The following SULF1 variants were observed in gnomAD, a reference collection of about 807,000 sequenced individuals.
The protein encoded by SULF1 is sulfatase 1.
SULF1 carries 46 observed loss-of-function variants against 110.5 expected under a neutral mutation model. The ratio of observed to expected loss-of-function variants is 0.42; its 90% CI spans 0.33 to 0.53. The LOEUF (loss-of-function observed/expected upper bound fraction) is 0.53, where lower values mean the gene tolerates loss of function less well. Among genes scored for constraint, SULF1 ranks in the 20% least tolerant of loss-of-function variants. The pLI, the probability that SULF1 is intolerant of heterozygous loss-of-function variation, is 0.12. For missense variants in SULF1, 941 were observed against 1,094.2 expected (o/e 0.86, Z 1.98); for synonymous variants, 371 against 387.1 (o/e 0.96, Z 0.49).
At chr8:69,514,122 G>A (rs1286632961) in intron 3 of SULF1, among the ~76,000 whole-genome samples, 6 of 152,138 alleles carry the variant, frequency 3.9e-5, no homozygotes, top group Non-Finnish European at 8.8e-5. Context: ...TGCTTTTACT[G>A]TATTCTACCC....
Position 69,636,776 on chromosome 8 carries a change from A to T in SULF1, c.2285-1726A>T, listed in dbSNP as rs942622119. 6.9e-4 allele frequency among the ~76,000 whole-genome samples: 105 copies of T among 152,124 alleles called. 1 individual carries two copies. The highest frequency in any genetic ancestry group is 1.8e-4 in the Non-Finnish European group (12 of 68,016). The stretch of plus-strand genomic sequence containing the variant: ...TCAGTCAGGCACTGTCGTGGAGAAG[A>T]ATTGGGCCCTTTCTGTTGACCGATG... On this transcript the variant is annotated intron_variant, in intron 19 of 22. Coordinates refer to ENST00000402687, the MANE Select transcript of SULF1 (RefSeq NM_001128205.2).
At chr8:69,638,329 C>T (rs1036448792) in intron 19 of SULF1, 173 bp from the exon 20 acceptor site, 1 of 750,880 alleles carries the variant, frequency 1.3e-6, no homozygotes, top group African/African-American at 1.8e-5. Flanking sequence ...AGTTTCACAG[C>T]AAATTTACCT....
chr8:69,632,197 C>T (rs1332031731), intron 19 of SULF1, among the ~76,000 whole-genome samples: 4 of 152,122 alleles, frequency 2.6e-5, no homozygotes, highest in Admixed American at 6.5e-5. Flanking sequence ...TACACAGGAG[C>T]GAATTAGGAA....
chr8:69,581,956 G>T (rs530298802), intron 6 of SULF1, among the ~76,000 whole-genome samples: 2 of 150,854 alleles, frequency 1.3e-5, no homozygotes, highest in African/African-American at 4.8e-5. Flanking sequence ...CTTACGCTCC[G>T]TTAACACAGA....
At chr8:69,483,057 A>C (rs762700337) in intron 1 of SULF1, among the ~76,000 whole-genome samples, 1 of 152,226 alleles carries the variant, frequency 6.6e-6, no homozygotes, top group South Asian at 2.1e-4. Flanking sequence ...GAGAGGATTC[A>C]AAGTATATCG....
intron 19 of SULF1, among the ~76,000 whole-genome samples, chr8:69,635,378 G>A (rs1810908037): frequency 6.6e-6 from 1 of 152,238 alleles, no homozygotes; most frequent in Non-Finnish European, 1.5e-5. Flanking sequence ...TCTATGGTGA[G>A]AGAGGTTATG....
At chr8:69,647,690 C>T (rs968705833) in intron 22 of SULF1, among the ~76,000 whole-genome samples, 20 of 151,926 alleles carry the variant, frequency 1.3e-4, no homozygotes, top group African/African-American at 3.4e-4. Flanking sequence ...TCACCTCGTT[C>T]GAGACCAGCC....
chr8:69,600,403 T>C (rs148703398), intron 8 of SULF1, among the ~76,000 whole-genome samples, 200 bp from the exon 9 acceptor site: 2 of 152,344 alleles, frequency 1.3e-5, no homozygotes, highest in East Asian at 1.9e-4. Flanking sequence ...TGAATATATA[T>C]ACCTTCAGAG....
upstream of SULF1, among the ~76,000 whole-genome samples, chr8:69,488,162 C>T (rs1440399934): frequency 6.6e-6 from 1 of 152,052 alleles, no homozygotes. Flanking sequence ...ACATCTAAAG[C>T]TTTGTTTCTA....
In SULF1 at chr8:69,569,950, T is replaced by C. The variant is rs1159516249; in HGVS notation, c.172+5803T>C. Among the ~76,000 whole-genome samples, 9 of 152,330 alleles carry C rather than the reference T, an allele frequency of 5.9e-5. No homozygotes were observed. In the South Asian group the frequency reaches 1.4e-3, roughly 25 times the overall value. On this transcript the variant is annotated intron_variant, in intron 5 of 22. Transcript: ENST00000402687. ...CCATTTAATTTTGTTATTTTTTATA[T>C]GCTTATGCTTTTAGAATTAGAATAT...
intron 3 of SULF1, among the ~76,000 whole-genome samples, chr8:69,521,168 CATTTTTTCCTTT>C (rs986391334): frequency 4.6e-5 from 7 of 152,092 alleles, no homozygotes; most frequent in African/African-American, 1.2e-4. Flanking sequence ...CAGGTTAATT[CATTTTTTCCTTT>C]ATTTTTTCCT....
At chr8:69,618,103 C>T (rs1325890101) in intron 13 of SULF1, among the ~76,000 whole-genome samples, 3 of 152,232 alleles carry the variant, frequency 2.0e-5, no homozygotes, top group Admixed American at 1.3e-4. Flanking sequence ...GAAAGTCCCT[C>T]TGTCCAGCCA....
At chr8:69,632,889 G>A (rs1482403619) in intron 19 of SULF1, among the ~76,000 whole-genome samples, 1 of 151,982 alleles carries the variant, frequency 6.6e-6, no homozygotes, top group Admixed American at 6.6e-5. Context: ...AGCCGGGCTT[G>A]GTGGTGCCCG....
upstream of SULF1, among the ~76,000 whole-genome samples, chr8:69,491,209 G>A (rs1182793642): frequency 6.6e-6 from 1 of 152,154 alleles, no homozygotes; most frequent in African/African-American, 2.4e-5. Context: ...AATAACAGGG[G>A]AAATGTCATT....
chr8:69,546,719 G>GTTCTTCAC (rs1189820514), intron 3 of SULF1, among the ~76,000 whole-genome samples: 1 of 152,152 alleles, frequency 6.6e-6, no homozygotes, highest in Admixed American at 6.5e-5. Flanking sequence ...CCAAAATCTT[G>GTTCTTCAC]TTCTTCACAT....
intron 1 of SULF1, among the ~76,000 whole-genome samples, chr8:69,468,645 A>G (rs1037159003): frequency 1.3e-5 from 2 of 152,200 alleles, no homozygotes; most frequent in Admixed American, 1.3e-4. Context: ...TTGGCTTTAC[A>G]ATGGAAATGA....
At chr8:69,640,629 T>G (rs574990848) in intron 21 of SULF1, among the ~76,000 whole-genome samples, 179 bp from the exon 22 acceptor site, 3 of 152,290 alleles carry the variant, frequency 2.0e-5, no homozygotes, top group Admixed American at 2.0e-4. Flanking sequence ...TTTTCATTCA[T>G]AGCTTTCAAT....
At chr8:69,561,349 A>G (rs567188836) in intron 3 of SULF1, among the ~76,000 whole-genome samples, 28 of 152,344 alleles carry the variant, frequency 1.8e-4, no homozygotes, top group South Asian at 4.1e-4. Context: ...ATTCACCAGA[A>G]AGGAAGTTCA....
chr8:69,516,717 T>A (rs1177414461), intron 3 of SULF1, among the ~76,000 whole-genome samples: 2 of 152,226 alleles, frequency 1.3e-5, no homozygotes, highest in East Asian at 3.8e-4. Context: ...TTGATACAGA[T>A]GTTTCTAAAT....
Sources: gnomAD v4.1 joint callset for allele counts (sites outside exome capture counted in the v4.1 genomes callset) on GRCh38, gnomAD v4.1.1 for gene constraint, MANE v1.5 for transcripts, NCBI Gene and HGNC (gene_info 2026-07-23, HGNC 2026-07-21) for gene names.